The following RAB27A variants were observed in gnomAD, a reference collection of about 807,000 sequenced individuals.
RAB27A encodes ras-related protein Rab-27A.
A neutral mutation model predicts 20.8 loss-of-function variants in RAB27A; 17 were observed. That is an observed-to-expected ratio of 0.82 (90% CI 0.56 to 1.23). The LOEUF is 1.23. RAB27A is among the 50% of genes most tolerant of loss of function. The pLI, the probability that RAB27A is intolerant of heterozygous loss-of-function variation, is 0.00. For synonymous variants in RAB27A, 85 were observed against 92.8 expected (o/e 0.92, Z 0.48); for missense variants, 277 against 266.7 (o/e 1.04, Z -0.27).
chr15:55,225,000 T>C (rs987351690), intron 5 of RAB27A, among the ~76,000 whole-genome samples: 1 of 152,216 alleles, frequency 6.6e-6, no homozygotes, highest in Non-Finnish European at 1.5e-5. Flanking sequence ...TTTGCCCTCA[T>C]GGGGCAACTG....
chr15:55,214,344 G>T (rs530307709), intron 6 of RAB27A, among the ~76,000 whole-genome samples: 8 of 152,318 alleles, frequency 5.3e-5, no homozygotes, highest in African/African-American at 1.4e-4. Context: ...GCTGAGGCAG[G>T]AGGATGGCAT....
intron 1 of RAB27A, chr15:55,317,075 T>C (rs1218785487): frequency 6.6e-6 from 1 of 152,146 alleles, no homozygotes; most frequent in African/African-American, 2.4e-5. Context: ...AAACCTCAAG[T>C]AGAAAATATT....
chr15:55,271,652 C>T (rs1897709541), intron 1 of RAB27A, among the ~76,000 whole-genome samples: 1 of 152,220 alleles, frequency 6.6e-6, no homozygotes, highest in African/African-American at 2.4e-5. Context: ...TGCTTTGTGA[C>T]AATCTTGAAG....
At chr15:55,259,723 G>A (rs1441354867) in intron 2 of RAB27A, among the ~76,000 whole-genome samples, 1 of 152,102 alleles carries the variant, frequency 6.6e-6, no homozygotes, top group Non-Finnish European at 1.5e-5. Context: ...TTTCCCTTAA[G>A]TATATACAAT....
chr15:55,305,872 C>T (rs1381632485), intron 2 of RAB27A, among the ~76,000 whole-genome samples: 2 of 152,152 alleles, frequency 1.3e-5, no homozygotes, highest in Non-Finnish European at 2.9e-5. Context: ...GGTTGTGATA[C>T]CGCCAGTGCC....
intron 2 of RAB27A, among the ~76,000 whole-genome samples, chr15:55,256,175 G>A (rs1666630362): frequency 6.6e-6 from 1 of 152,170 alleles, no homozygotes; most frequent in Non-Finnish European, 1.5e-5. Context: ...ACCTATTCAA[G>A]AGACTGAGGT....
intron 2 of RAB27A, among the ~76,000 whole-genome samples, chr15:55,258,980 A>G (rs1897180291): frequency 6.6e-6 from 1 of 152,026 alleles, no homozygotes; most frequent in East Asian, 1.9e-4. Context: ...ACGCACCACC[A>G]TACCTGGCTA....
At chr15:55,263,343 A>C (rs1897343251) in intron 2 of RAB27A, among the ~76,000 whole-genome samples, 1 of 151,954 alleles carries the variant, frequency 6.6e-6, no homozygotes, top group South Asian at 2.1e-4. Flanking sequence ...CAAATGTGCC[A>C]TATTACATTT....
Position 55,216,650 on chromosome 15 carries a change from A to T in RAB27A, c.467+7239T>A, listed in dbSNP as rs1256158945. Among the ~76,000 whole-genome samples, 3 of 152,186 alleles carry T rather than the reference A, an allele frequency of 2.0e-5. No homozygotes were observed. In the East Asian group the frequency reaches 5.8e-4, roughly 29 times the overall value. On this transcript the variant is annotated intron_variant, in intron 6 of 6. Coordinates refer to ENST00000336787, the MANE Select transcript of RAB27A (RefSeq NM_183235.3). The stretch of plus-strand genomic sequence containing the variant: ...GTGAAAAAAAAAGAATAAAAAATAA[A>T]AATAAATTTGCAAACTAACCCATGA...
chr15:55,297,951 C>T (rs1290010836), intron 2 of RAB27A, among the ~76,000 whole-genome samples: 1 of 152,030 alleles, frequency 6.6e-6, no homozygotes, highest in Non-Finnish European at 1.5e-5. Context: ...GCCTGTAATC[C>T]CAGCACTTTG....
intron 1 of RAB27A, chr15:55,317,279 T>G (rs1242198259): frequency 6.5e-6 from 1 of 154,482 alleles, no homozygotes; most frequent in Non-Finnish European, 1.4e-5. Context: ...TTTAAGCAAT[T>G]ATTACAGTTC....
At chr15:55,212,912 C>T (rs1017542973) in intron 6 of RAB27A, among the ~76,000 whole-genome samples, 1 of 152,192 alleles carries the variant, frequency 6.6e-6, no homozygotes, top group African/African-American at 2.4e-5. Context: ...CAAAGCATTG[C>T]TTCAAAACTG....
At chr15:55,246,482 C>G (rs1471521363) in intron 2 of RAB27A, among the ~76,000 whole-genome samples, 1 of 151,328 alleles carries the variant, frequency 6.6e-6, no homozygotes, top group East Asian at 1.9e-4. Context: ...ATTTGTTGCC[C>G]AAGGCTCTTC....
intron 2 of RAB27A, among the ~76,000 whole-genome samples, chr15:55,304,160 T>C (rs1357849169): frequency 2.0e-5 from 3 of 152,086 alleles, no homozygotes; most frequent in Non-Finnish European, 4.4e-5. Flanking sequence ...TCTGTGACCT[T>C]ACCCCCAACC....
At chr15:55,251,383 C>T (rs1014911152) in intron 2 of RAB27A, among the ~76,000 whole-genome samples, 4 of 152,112 alleles carry the variant, frequency 2.6e-5, no homozygotes, top group Non-Finnish European at 5.9e-5. Flanking sequence ...AAATCGAGGC[C>T]AAACTGCCCA....
chr15:55,206,862 C>T (rs901360199), intron 6 of RAB27A, among the ~76,000 whole-genome samples: 2 of 151,880 alleles, frequency 1.3e-5, no homozygotes, highest in Non-Finnish European at 2.9e-5. Context: ...GGTGCCACAA[C>T]ATATATCATA....
intron 2 of RAB27A, among the ~76,000 whole-genome samples, chr15:55,305,852 A>C (rs916554747): frequency 3.9e-5 from 6 of 152,142 alleles, no homozygotes; most frequent in African/African-American, 1.4e-4. Context: ...TTGTAGTAGA[A>C]CTGAGTACAG....
intron 6 of RAB27A, among the ~76,000 whole-genome samples, chr15:55,210,452 T>C (rs891054119): frequency 6.6e-6 from 1 of 151,280 alleles, no homozygotes; most frequent in African/African-American, 2.4e-5. Context: ...CTGCCTATAT[T>C]TTGGATAAAA....
At chr15:55,269,718 G>C (rs530506459) in intron 2 of RAB27A, 9 of 152,214 alleles carry the variant, frequency 5.9e-5, no homozygotes, top group African/African-American at 2.2e-4. Context: ...TCAAGCCTGG[G>C]CGACAGAGCA....
Sources: gnomAD v4.1 joint callset for allele counts (sites outside exome capture counted in the v4.1 genomes callset) on GRCh38, gnomAD v4.1.1 for gene constraint, MANE v1.5 for transcripts, NCBI Gene and HGNC (gene_info 2026-07-23, HGNC 2026-07-21) for gene names.